Variants in SBF2 observed in about 807,000 individuals in gnomAD.
The protein encoded by SBF2 is myotubularin-related protein 13.
SBF2 carries 112 observed loss-of-function variants against 225.2 expected under a neutral mutation model. The ratio of observed to expected loss-of-function variants is 0.50; its 90% CI spans 0.43 to 0.58. The LOEUF (loss-of-function observed/expected upper bound fraction) is 0.58. Among genes scored for constraint, SBF2 ranks in the 20% least tolerant of loss-of-function variants. The pLI is 0.00. For missense variants in SBF2, 1,996 were observed against 2,206.2 expected (o/e 0.90, Z 1.91); for synonymous variants, 763 against 773.3 (o/e 0.99, Z 0.22).
chr11:9,937,335 A>T (rs1421573760), intron 16 of SBF2, among the ~76,000 whole-genome samples: 2 of 152,186 alleles, frequency 1.3e-5, no homozygotes, highest in African/African-American at 4.8e-5. Context: ...TGGATCAATG[A>T]AAAAAATTTA....
chr11:9,814,690 T>C (rs372244403), intron 29 of SBF2, among the ~76,000 whole-genome samples: 2 of 152,062 alleles, frequency 1.3e-5, no homozygotes, highest in South Asian at 4.1e-4. Context: ...TATACATGAG[T>C]TCCTTTCTAT....
chr11:10,128,699 T>C (rs1378786050), intron 2 of SBF2, among the ~76,000 whole-genome samples: 3 of 152,188 alleles, frequency 2.0e-5, no homozygotes, highest in Non-Finnish European at 2.9e-5. Flanking sequence ...CTGTTCAGAC[T>C]GAAAATGAGA....
At chr11:9,912,627 G>A (rs1208134049) in intron 16 of SBF2, among the ~76,000 whole-genome samples, 1 of 152,172 alleles carries the variant, frequency 6.6e-6, no homozygotes, top group Non-Finnish European at 1.5e-5. Flanking sequence ...TATTTTTAGT[G>A]TATTTTATCT....
chr11:10,124,957 T>C (rs538531849), intron 2 of SBF2, among the ~76,000 whole-genome samples: 20 of 151,902 alleles, frequency 1.3e-4, no homozygotes, highest in African/African-American at 4.8e-4. Flanking sequence ...GTACAAAAAT[T>C]AGCCGGGCGT....
At chr11:9,878,970 G>T (rs1859518280) in intron 17 of SBF2, among the ~76,000 whole-genome samples, 1 of 152,146 alleles carries the variant, frequency 6.6e-6, no homozygotes, top group African/African-American at 2.4e-5. Flanking sequence ...AAATCTATCA[G>T]TGACAAAGAG....
chr11:9,989,075 T>TACACACAC (rs570830064), intron 13 of SBF2, among the ~76,000 whole-genome samples: 2 of 150,864 alleles, frequency 1.3e-5, no homozygotes, highest in African/African-American at 4.9e-5. Context: ...TACATACACA[T>TACACACAC]ACACACACAC....
At chr11:10,121,026 A>G (rs866963404) in intron 2 of SBF2, among the ~76,000 whole-genome samples, 96 of 152,226 alleles carry the variant, frequency 6.3e-4, no homozygotes, top group African/African-American at 2.2e-3. Context: ...TCGGCCTCCC[A>G]AAGTGCTGGG....
At chr11:10,013,928 T>C (rs946588232) in intron 6 of SBF2, among the ~76,000 whole-genome samples, 1 of 152,236 alleles carries the variant, frequency 6.6e-6, no homozygotes, top group East Asian at 1.9e-4. Flanking sequence ...CTCATAAATA[T>C]CTACTTTTTC....
intron 16 of SBF2, among the ~76,000 whole-genome samples, chr11:9,945,307 T>A (rs960848242): frequency 6.6e-6 from 1 of 152,130 alleles, no homozygotes; most frequent in Non-Finnish European, 1.5e-5. Flanking sequence ...TCTACAACCA[T>A]CTGATCTTCA....
rs558264069 is a variant in SBF2, at chr11:10,283,475, A to C, written c.55+10540T>G. ...TCATAGTGCTTAAATAAAACTGATTAAATGCCTAAGAAACATGTCGAATGT... is the reference window on the plus strand; with the variant it reads ...TCATAGTGCTTAAATAAAACTGATTCAATGCCTAAGAAACATGTCGAATGT... On this transcript the variant is annotated intron_variant, in intron 1 of 39. Transcript: ENST00000256190. Among the ~76,000 whole-genome samples the C allele has an allele frequency of 2.0e-5, 3 of 152,330 alleles. No individual in the cohort carries two copies. In the East Asian group the frequency reaches 5.8e-4, roughly 29 times the overall value.
At chr11:9,855,500 C>A (rs7115754) in intron 19 of SBF2, among the ~76,000 whole-genome samples, 2 of 151,954 alleles carry the variant, frequency 1.3e-5, no homozygotes, top group Non-Finnish European at 2.9e-5. Flanking sequence ...CAGGATGTTG[C>A]GGCACCCATC....
chr11:9,956,217 G>T (rs1866154694), intron 16 of SBF2, among the ~76,000 whole-genome samples: 1 of 152,032 alleles, frequency 6.6e-6, no homozygotes, highest in South Asian at 2.1e-4. Context: ...GAACAATCTT[G>T]CCATTAACAT....
Position 9,784,413 on chromosome 11 carries a change from T to TA in SBF2, c.5256_5257insT (p.Arg1753Ter), listed in dbSNP as rs1852232672. On this transcript the variant is annotated frameshift_variant, in exon 38 of 40. Coordinates refer to ENST00000256190, the MANE Select transcript of SBF2 (RefSeq NM_030962.4). LOFTEE classifies it high-confidence loss of function. Reference sequence around the variant, plus strand: ...TTCCAACCTTTCAGCAAAGCCCCTCTTTTATAAAGTGTTCCCTCAAAGGAC... The same window carrying TA: ...TTCCAACCTTTCAGCAAAGCCCCTCTATTTATAAAGTGTTCCCTCAAAGGAC... The TA allele has an allele frequency of 6.2e-7, 1 of 1,613,930 alleles. No individual in the cohort carries two copies. Among genetic ancestry groups the TA allele is most frequent in the Admixed American group, 1.7e-5 (1 of 60,012 alleles).
intron 2 of SBF2, among the ~76,000 whole-genome samples, chr11:10,144,458 A>T (rs1018055135): frequency 3.3e-5 from 5 of 152,222 alleles, no homozygotes; most frequent in African/African-American, 1.2e-4. Flanking sequence ...ACTGCACTCC[A>T]GCCTGAGTGA....
intron 16 of SBF2, among the ~76,000 whole-genome samples, chr11:9,919,026 GCCA>G (rs1328081254): frequency 6.6e-6 from 1 of 152,110 alleles, no homozygotes; most frequent in Non-Finnish European, 1.5e-5. Context: ...ACAGGTGTGA[GCCA>G]CTGCATCTGG....
chr11:9,813,887 A>G (rs991269846), intron 29 of SBF2, among the ~76,000 whole-genome samples: 2 of 152,082 alleles, frequency 1.3e-5, no homozygotes, highest in African/African-American at 4.8e-5. Context: ...GGTTGCAGTG[A>G]GCTGAGATGA....
At chr11:9,842,551 GC>G in intron 25 of SBF2, 73 bp downstream of exon 25, 1 of 1,475,888 alleles carries the variant, frequency 6.8e-7, no homozygotes, top group East Asian at 2.3e-5. Context: ...AGATGTAAGT[GC>G]AACTACATCT....
At chr11:9,853,508 T>C in intron 20 of SBF2, 32 bp downstream of exon 20, 1 of 1,598,258 alleles carries the variant, frequency 6.3e-7, no homozygotes, top group Non-Finnish European at 8.6e-7. Context: ...ATCTCCAATA[T>C]TCTGATTCTC....
intron 6 of SBF2, among the ~76,000 whole-genome samples, chr11:10,010,676 T>A (rs7120865): frequency 6.6e-6 from 1 of 151,988 alleles, no homozygotes; most frequent in Non-Finnish European, 1.5e-5. Flanking sequence ...TAGCATGATG[T>A]CTCCAGCTTT....
Sources: gnomAD v4.1 joint callset for allele counts (sites outside exome capture counted in the v4.1 genomes callset) on GRCh38, gnomAD v4.1.1 for gene constraint, MANE v1.5 for transcripts, NCBI Gene and HGNC (gene_info 2026-07-23, HGNC 2026-07-21) for gene names.